Variants in SLC20A2 observed in about 807,000 individuals in gnomAD.
SLC20A2 encodes sodium-dependent phosphate transporter 2.
In SLC20A2, 30 loss-of-function variants were observed where a neutral mutation model predicts 61.0. The observed-to-expected ratio is 0.49, with a 90% CI of 0.37 to 0.67. The LOEUF is 0.67. Among genes scored for constraint, SLC20A2 ranks in the 30% least tolerant of loss-of-function variants. The probability of loss-of-function intolerance (pLI) is 0.00; values close to 1 mark genes in which losing one functional copy is unlikely to be tolerated. For synonymous variants in SLC20A2, 351 were observed against 353.3 expected (o/e 0.99, Z 0.07); for missense variants, 626 against 866.4 (o/e 0.72, Z 3.48).
At chr8:42,436,923 C>T (rs1414217846) in intron 8 of SLC20A2, 66 bp downstream of exon 8, 3 of 1,425,194 alleles carry the variant, frequency 2.1e-6, no homozygotes, top group African/African-American at 2.9e-5. Flanking sequence ...TCCCGGCACC[C>T]GCACAGCGCT....
At chr8:42,494,396 C>A (rs188651182) in intron 1 of SLC20A2, among the ~76,000 whole-genome samples, 23 of 152,104 alleles carry the variant, frequency 1.5e-4, no homozygotes, top group African/African-American at 5.5e-4. Flanking sequence ...TCTATTATTA[C>A]ATAAGTAATC....
intron 1 of SLC20A2, among the ~76,000 whole-genome samples, chr8:42,519,767 T>C (rs988921653): frequency 3.3e-5 from 5 of 152,192 alleles, no homozygotes; most frequent in Non-Finnish European, 7.3e-5. Context: ...CAACTTAAAG[T>C]GACTTAAATT....
chr8:42,475,073 A>G (rs539377234), intron 1 of SLC20A2, among the ~76,000 whole-genome samples: 58 of 151,970 alleles, frequency 3.8e-4, no homozygotes, highest in Non-Finnish European at 7.2e-4. Context: ...GGTGCCACCG[A>G]AGGGTTTTAA....
chr8:42,507,026 C>T (rs983455671), intron 1 of SLC20A2, among the ~76,000 whole-genome samples: 9 of 152,208 alleles, frequency 5.9e-5, no homozygotes, highest in South Asian at 2.1e-4. Context: ...CTGGTCAGCC[C>T]GCTGAGCACC....
intron 1 of SLC20A2, among the ~76,000 whole-genome samples, chr8:42,508,759 A>C (rs1810868897): frequency 6.6e-6 from 1 of 152,158 alleles, no homozygotes; most frequent in African/African-American, 2.4e-5. Flanking sequence ...AGAACACTAT[A>C]CAGAAGCAAC....
intron 1 of SLC20A2, among the ~76,000 whole-genome samples, chr8:42,497,717 T>C (rs1179522409): frequency 6.6e-6 from 1 of 151,728 alleles, no homozygotes; most frequent in African/African-American, 2.4e-5. Context: ...TCAATTGGTT[T>C]TTTTTTTTTT....
At position 42,448,788 on chromosome 8, in the gene SLC20A2, GA is replaced by G. The variant is rs143781158; in HGVS notation, c.614-4027del. On this transcript the variant is annotated intron_variant, in intron 5 of 10. Coordinates refer to ENST00000520262, the MANE Select transcript of SLC20A2 (RefSeq NM_001257180.2). ...AGGGGAAGCTGTTCACAGTAGGTGA[GA>G]GGGGGAGCAGAATGGGGACAGGATC... is the stretch of plus-strand genomic sequence containing the variant. Among the ~76,000 whole-genome samples the G allele has an allele frequency of 2.4e-3, 361 of 152,348 alleles. 7 individuals are homozygous for G. The East Asian group carries it at 0.059, about 25-fold the overall frequency.
Position 42,465,975 on chromosome 8 carries a change from G to A in SLC20A2, c.290-58C>T, listed in dbSNP as rs1807127533. ...CAGAGTACAGAGGTGCAGACACCAA[G>A]GGAAGAAATCCAAATGTTTTCCATA... On this transcript the variant is annotated intron_variant, in intron 2 of 10. Transcript: ENST00000520262. The A allele has an allele frequency of 2.7e-6, 4 of 1,467,140 alleles. No homozygotes were observed. The South Asian group carries it at 4.0e-5, about 15-fold the overall frequency. 90.9% of individuals were successfully genotyped at this position (1,467,140 alleles called of 1,614,324 possible). A position where few individuals can be genotyped will look rare whatever the true frequency, so the allele number is the denominator to read the frequency against.
chr8:42,461,501 GA>G (rs1312157114), intron 4 of SLC20A2, among the ~76,000 whole-genome samples: 11 of 151,010 alleles, frequency 7.3e-5, no homozygotes, highest in Admixed American at 7.3e-4. Flanking sequence ...GCCCAGGCTG[GA>G]GTGCAGTGGT....
chr8:42,490,118 G>GA (rs562513877), intron 1 of SLC20A2, among the ~76,000 whole-genome samples: 3 of 152,278 alleles, frequency 2.0e-5, no homozygotes, highest in Non-Finnish European at 2.9e-5. Context: ...AGTTAGTGGG[G>GA]AGATAGAAAA....
intron 1 of SLC20A2, among the ~76,000 whole-genome samples, chr8:42,484,384 CTG>C (rs1268118516): frequency 1.3e-5 from 2 of 152,208 alleles, no homozygotes; most frequent in Admixed American, 6.5e-5. Context: ...TCTATGGAGA[CTG>C]AGAGTGAAAT....
At chr8:42,457,857 G>T (rs1806339521) in intron 5 of SLC20A2, among the ~76,000 whole-genome samples, 1 of 152,084 alleles carries the variant, frequency 6.6e-6, no homozygotes, top group South Asian at 2.1e-4. Context: ...TATAATGTTA[G>T]AATCATTTAG....
rs926161652 is a variant in SLC20A2 at position 42,443,166 on chromosome 8, T to C, written c.730+1480A>G. ...ATTATAGTACTATACAGTAGAGTAC[T>C]ATATTGTATATTATACTATACAGTT... On this transcript the variant is annotated intron_variant, in intron 6 of 10. Coordinates refer to ENST00000520262, the MANE Select transcript of SLC20A2 (RefSeq NM_001257180.2). Among the ~76,000 whole-genome samples, 4 of 147,786 alleles carry C rather than the reference T, an allele frequency of 2.7e-5. No homozygotes were observed. The South Asian group carries it at 8.4e-4, about 31-fold the overall frequency.
intron 3 of SLC20A2, 90 bp downstream of exon 3, chr8:42,465,687 G>C: frequency 1.7e-6 from 2 of 1,203,698 alleles, no homozygotes; most frequent in Non-Finnish European, 1.1e-6. Context: ...GACACTCCGG[G>C]TCAAAAAAAA....
chr8:42,514,614 C>T (rs1015723502), intron 1 of SLC20A2, among the ~76,000 whole-genome samples: 12 of 151,964 alleles, frequency 7.9e-5, no homozygotes, highest in Non-Finnish European at 1.3e-4. Context: ...AAAAACTACC[C>T]GGACATGGTG....
chr8:42,519,368 C>T (rs916338576), intron 1 of SLC20A2, among the ~76,000 whole-genome samples: 35 of 151,660 alleles, frequency 2.3e-4, no homozygotes, highest in African/African-American at 7.7e-4. Context: ...CGCTTGAACC[C>T]GGGAGGCAGA....
Position 42,437,808 on chromosome 8 carries a change from G to A in SLC20A2, c.935-231C>T, listed in dbSNP as rs1000705331. On this transcript the variant is annotated intron_variant, in intron 7 of 10. Coordinates refer to ENST00000520262, the MANE Select transcript of SLC20A2 (RefSeq NM_001257180.2). The surrounding 1 kb of genome is among the most constrained non-coding windows in gnomAD (Gnocchi z 6.4). ...TTTTTGTATTTTTAGTAGAGATGGG[G>A]TTTCACCATGTTGGCCAGGATGGTC... Among the ~76,000 whole-genome samples the A allele has an allele frequency of 6.6e-6, 1 of 151,402 alleles. No individual in the cohort carries two copies. Among genetic ancestry groups the A allele is most frequent in the African/African-American group, 2.4e-5 (1 of 41,202 alleles).
rs545729254 is a variant in SLC20A2, at chr8:42,486,831, A to G, written c.-264-14177T>C. 2.6e-5 allele frequency among the ~76,000 whole-genome samples: 4 copies of G among 152,208 alleles called. No individual in the cohort carries two copies. In the South Asian group the frequency reaches 8.3e-4, roughly 32 times the overall value. On this transcript the variant is annotated intron_variant, in intron 1 of 10. Coordinates refer to ENST00000520262, the MANE Select transcript of SLC20A2 (RefSeq NM_001257180.2). The stretch of plus-strand genomic sequence containing the variant: ...ATGTGTACATTAGTGTTCTTCATCA[A>G]ATTTGGGAAGTTAAAATAAATTACT...
intron 1 of SLC20A2, among the ~76,000 whole-genome samples, chr8:42,529,140 A>G (rs1046601617): frequency 1.8e-4 from 27 of 152,026 alleles, no homozygotes; most frequent in African/African-American, 6.5e-4. Flanking sequence ...ACACCCAGCT[A>G]ATTTTTTTCA....
Sources: allele counts gnomAD v4.1 joint callset (sites outside exome capture counted in the v4.1 genomes callset), GRCh38; gene constraint gnomAD v4.1.1; non-coding constraint Gnocchi (gnomAD v3.1); transcripts MANE v1.5; gene names NCBI Gene and HGNC (gene_info 2026-07-23, HGNC 2026-07-21).